GRM1: variants seen among roughly 807,000 people sequenced by gnomAD.
GRM1 encodes glutamate metabotropic receptor 1.
A neutral mutation model predicts 90.9 loss-of-function variants in GRM1; 33 were observed. The ratio of observed to expected loss-of-function variants is 0.36; its 90% CI spans 0.28 to 0.49. The LOEUF (loss-of-function observed/expected upper bound fraction) is 0.49, where lower values mean the gene tolerates loss of function less well. Ranked by LOEUF, GRM1 falls within the 20% of genes least tolerant of loss-of-function variation. The pLI is 0.99. For synonymous variants in GRM1, 700 were observed against 613.2 expected, an observed-to-expected ratio of 1.14 and a Z score of -2.09; for missense variants, 1,190 against 1,534.3, an observed-to-expected ratio of 0.78 and a Z score of 3.75.
At chr6:146,325,306 T>A (rs1784365046) in intron 3 of GRM1, among the ~76,000 whole-genome samples, 1 of 152,182 alleles carries the variant, frequency 6.6e-6, no homozygotes, top group African/African-American at 2.4e-5. Context: ...GATACCAGCT[T>A]CCAGATCTAT....
Position 146,399,257 on chromosome 6 carries a change from A to G in GRM1, c.2218A>G (p.Lys740Glu). The G allele has an allele frequency of 6.2e-7, 1 of 1,614,052 alleles. No homozygotes were observed. Among genetic ancestry groups the G allele is most frequent in the Non-Finnish European group, 8.5e-7 (1 of 1,180,010 alleles). ...PMPILSYPSI[K>E]EVYLICNTSN... Reference sequence around the variant, plus strand: ...GCCCATTCTGTCCTACCCAAGTATCAAGGAAGTCTACCTTATCTGCAATAC... The same window carrying G: ...GCCCATTCTGTCCTACCCAAGTATCGAGGAAGTCTACCTTATCTGCAATAC... Residue 740 changes from lysine to glutamate, a missense_variant, in exon 7 of 8, where the codon AAG becomes GAG. By Grantham distance (56) the Lys-to-Glu change is moderately conservative (BLOSUM62 1). Transcript: ENST00000282753. The surrounding 1 kb of genome is among the most constrained non-coding windows in gnomAD (Gnocchi z 5.4).
chr6:146,030,492 A>G (rs1270635353), intron 1 of GRM1, among the ~76,000 whole-genome samples: 1 of 152,234 alleles, frequency 6.6e-6, no homozygotes, highest in Non-Finnish European at 1.5e-5. Context: ...TTTGACTTGA[A>G]TACTTGTTTG....
chr6:146,293,154 G>T (rs866996125), intron 2 of GRM1, among the ~76,000 whole-genome samples: 1 of 151,944 alleles, frequency 6.6e-6, no homozygotes, highest in Non-Finnish European at 1.5e-5. Context: ...TGGGTATGGG[G>T]TTGTATTTTG....
At position 146,352,435 on chromosome 6, in the gene GRM1, T is replaced by G. The variant is rs151255685; in HGVS notation, c.1372T>G (p.Ser458Ala). The G allele has an allele frequency of 2.0e-4, 319 of 1,613,270 alleles. No individual in the cohort carries two copies. Among genetic ancestry groups the G allele is most frequent in the Non-Finnish European group, 2.3e-4 (269 of 1,179,304 alleles). The change falls in exon 4 of 8, where the codon TCA becomes GCA. Residue 458 changes from serine to alanine, a missense_variant. Physicochemically the swap from Ser to Ala is moderately conservative, Grantham distance 99. This residue lies in a region of GRM1 where 414 missense variants were observed against 598.4 expected (regional missense o/e 0.69). Coordinates refer to ENST00000282753, the MANE Select transcript of GRM1 (RefSeq NM_001278064.2). ...SKLLDFLIKS[S>A]FIGVSGEEVW... ...GCTGCTGGACTTCCTCATCAAGTCCTCATTCATTGGAGTATCTGGAGAGGA... is the reference window on the plus strand; with the variant it reads ...GCTGCTGGACTTCCTCATCAAGTCCGCATTCATTGGAGTATCTGGAGAGGA...
chr6:146,107,029 T>G (rs1465448801), intron 1 of GRM1, among the ~76,000 whole-genome samples: 1 of 152,204 alleles, frequency 6.6e-6, no homozygotes, highest in Non-Finnish European at 1.5e-5. Flanking sequence ...GCTTTCTCCT[T>G]TGGCCTCAGT....
chr6:146,100,593 C>T (rs1777017991), intron 1 of GRM1, among the ~76,000 whole-genome samples: 1 of 152,138 alleles, frequency 6.6e-6, no homozygotes, highest in Non-Finnish European at 1.5e-5. Flanking sequence ...AAATATATTT[C>T]TTTGGTCTAA....
At chr6:146,272,874 A>G (rs1449047843) in intron 2 of GRM1, among the ~76,000 whole-genome samples, 1 of 152,220 alleles carries the variant, frequency 6.6e-6, no homozygotes, top group Non-Finnish European at 1.5e-5. Flanking sequence ...TTGTAAAGGA[A>G]CATAGACATT....
chr6:146,111,925 A>G (rs1318634142), intron 1 of GRM1, among the ~76,000 whole-genome samples: 3 of 152,204 alleles, frequency 2.0e-5, no homozygotes, highest in Admixed American at 2.0e-4. Flanking sequence ...TATGTGTTTT[A>G]TTATTAAAAC....
At chr6:146,035,455 A>G (rs1229494289) in intron 1 of GRM1, among the ~76,000 whole-genome samples, 1 of 152,084 alleles carries the variant, frequency 6.6e-6, no homozygotes, top group African/African-American at 2.4e-5. Context: ...TTCATATCCA[A>G]GTAAAACCTT....
At chr6:146,081,374 C>T (rs987795778) in intron 1 of GRM1, among the ~76,000 whole-genome samples, 3 of 152,078 alleles carry the variant, frequency 2.0e-5, no homozygotes, top group Admixed American at 1.3e-4. Flanking sequence ...TTGAGATCTG[C>T]AGAATATCAT....
At chr6:146,387,086 G>T (rs1776536715) in intron 6 of GRM1, 70 bp downstream of exon 6, 6 of 1,399,902 alleles carry the variant, frequency 4.3e-6, no homozygotes, top group Non-Finnish European at 6.1e-6. Flanking sequence ...TCCCTCAAAT[G>T]AGAATGATTA....
At chr6:146,305,919 A>G (rs1783563576) in intron 3 of GRM1, among the ~76,000 whole-genome samples, 1 of 152,202 alleles carries the variant, frequency 6.6e-6, no homozygotes, top group Admixed American at 6.5e-5. Flanking sequence ...AAATAACAAT[A>G]GAGGACAACG....
intron 7 of GRM1, among the ~76,000 whole-genome samples, chr6:146,422,430 CTT>C (rs1396158623): frequency 6.6e-6 from 1 of 152,142 alleles, no homozygotes; most frequent in Non-Finnish European, 1.5e-5. Flanking sequence ...ATGTCTGAGT[CTT>C]TTGTCTGTGT....
chr6:146,150,564 A>G (rs1269832341), intron 1 of GRM1, among the ~76,000 whole-genome samples: 1 of 152,208 alleles, frequency 6.6e-6, no homozygotes, highest in Non-Finnish European at 1.5e-5. Flanking sequence ...TGTTAGGAAG[A>G]TTCCAATTTT....
intron 1 of GRM1, among the ~76,000 whole-genome samples, chr6:146,145,974 T>C (rs957789949): frequency 3.3e-5 from 5 of 152,254 alleles, no homozygotes; most frequent in African/African-American, 1.2e-4. Flanking sequence ...GAGATTCTTC[T>C]GAAGTCTTAA....
intron 1 of GRM1, among the ~76,000 whole-genome samples, chr6:146,145,991 A>T (rs1246478806): frequency 6.6e-6 from 1 of 151,636 alleles, no homozygotes; most frequent in East Asian, 1.9e-4. Context: ...TTAAGATTTA[A>T]CGTCTGCTCT....
chr6:146,361,761 G>A (rs941079491), intron 5 of GRM1, among the ~76,000 whole-genome samples: 1 of 152,214 alleles, frequency 6.6e-6, no homozygotes, highest in African/African-American at 2.4e-5. Flanking sequence ...AGCTGGGCTT[G>A]GAGCCAGCTC....
At chr6:146,130,332 A>G (rs139206293) in intron 1 of GRM1, among the ~76,000 whole-genome samples, 2 of 147,692 alleles carry the variant, frequency 1.4e-5, no homozygotes, top group African/African-American at 5.0e-5. Context: ...CAGTACACTT[A>G]TGAGTTTTAA....
chr6:146,054,002 T>C (rs1775392367), intron 1 of GRM1, among the ~76,000 whole-genome samples: 1 of 152,098 alleles, frequency 6.6e-6, no homozygotes, highest in African/African-American at 2.4e-5. Flanking sequence ...GCTTCTGACA[T>C]TTAATTAAAT....
Sources: gnomAD v4.1 joint callset for allele counts (sites outside exome capture counted in the v4.1 genomes callset) on GRCh38, gnomAD v4.1.1 for gene constraint, gnomAD v4.1.1 regional missense constraint, Gnocchi (gnomAD v3.1) non-coding constraint, MANE v1.5 for transcripts, NCBI Gene and HGNC (gene_info 2026-07-23, HGNC 2026-07-21) for gene names.